CLVS1: variants seen among roughly 807,000 people sequenced by gnomAD.
CLVS1 encodes the protein clavesin 1.
CLVS1 carries 10 observed loss-of-function variants against 33.1 expected under a neutral mutation model. The observed-to-expected ratio is 0.30, with a 90% CI of 0.19 to 0.51. The LOEUF is 0.51. CLVS1 is among the 20% of genes least tolerant of loss of function. The pLI, the probability that CLVS1 is intolerant of heterozygous loss-of-function variation, is 0.97. For missense variants in CLVS1, 343 were observed against 433.4 expected (o/e 0.79, Z 1.85); for synonymous variants, 163 against 166.1 (o/e 0.98, Z 0.14).
intron 3 of CLVS1, among the ~76,000 whole-genome samples, chr8:61,452,496 G>A (rs928872092): frequency 6.6e-6 from 1 of 152,158 alleles, no homozygotes; most frequent in Non-Finnish European, 1.5e-5. Context: ...AAGAAGTGAT[G>A]ATAGTGAATA....
chr8:61,454,623 G>A (rs2279571), intron 4 of CLVS1, among the ~76,000 whole-genome samples: 89,566 of 152,106 alleles, frequency 0.59, 29,893 homozygotes, highest in Non-Finnish European at 0.76. Flanking sequence ...TTAGTGCTAT[G>A]AAGAATGATT....
intron 3 of CLVS1, among the ~76,000 whole-genome samples, chr8:61,379,872 G>A (rs190649587): frequency 1.3e-5 from 2 of 152,132 alleles, no homozygotes; most frequent in African/African-American, 2.4e-5. Context: ...TGCACACAGC[G>A]CTCAGTCACT....
chr8:61,365,841 G>T (rs1353271877), intron 2 of CLVS1, among the ~76,000 whole-genome samples: 1 of 151,940 alleles, frequency 6.6e-6, no homozygotes, highest in Non-Finnish European at 1.5e-5. Context: ...AGACAGGAAG[G>T]CTGAGACATC....
chr8:60,975,896 C>G, the CLVS1 span, among the ~76,000 whole-genome samples: 1 of 152,048 alleles, frequency 6.6e-6, no homozygotes, highest in African/African-American at 2.4e-5. Flanking sequence ...CAAGGAGGAC[C>G]ATAAGATGGA....
At chr8:61,468,676 T>C (rs1297742104) in intron 5 of CLVS1, among the ~76,000 whole-genome samples, 1 of 138,638 alleles carries the variant, frequency 7.2e-6, no homozygotes, top group African/African-American at 2.8e-5. Flanking sequence ...CATTTCAACC[T>C]GAGCTCAGTC....
At chr8:61,143,176 A>C (rs1242530181) in intron 2 of CLVS1, among the ~76,000 whole-genome samples, 4 of 152,220 alleles carry the variant, frequency 2.6e-5, no homozygotes, top group African/African-American at 9.6e-5. Flanking sequence ...CAGAAACCAT[A>C]ATCTTAATTT....
intron 5 of CLVS1, among the ~76,000 whole-genome samples, chr8:61,496,747 C>T (rs1202799931): frequency 6.6e-6 from 1 of 152,124 alleles, no homozygotes. Flanking sequence ...ACAGTACATA[C>T]ATATCTTGAA....
intron 3 of CLVS1, among the ~76,000 whole-genome samples, chr8:61,423,811 A>G (rs1204087269): frequency 6.6e-6 from 1 of 152,232 alleles, no homozygotes; most frequent in African/African-American, 2.4e-5. Context: ...TCTCTCAGGT[A>G]TGAATGGACT....
rs143419598 is a variant in CLVS1, at chr8:61,083,892, C to T, written c.-243+26662C>T. Among the ~76,000 whole-genome samples the T allele has an allele frequency of 7.6e-4, 115 of 151,920 alleles. 1 individual carries two copies. Among genetic ancestry groups the T allele is most frequent in the African/African-American group, 2.4e-3 (99 of 41,420 alleles). On this transcript the variant is annotated intron_variant, in intron 1 of 2. Transcript: ENST00000522621. The stretch of plus-strand genomic sequence containing the variant: ...TCCTGGTGGGATTGATTGGGTGGGG[C>T]GAAATAAAGATGTACATTTACTATA...
intron 2 of CLVS1, among the ~76,000 whole-genome samples, chr8:61,176,092 A>T (rs569442112): frequency 2.6e-4 from 40 of 152,298 alleles, no homozygotes; most frequent in African/African-American, 9.4e-4. Flanking sequence ...GTCTCTCTTT[A>T]TTCATTCCCT....
At chr8:61,339,552 AAT>A (rs1312587060) in intron 2 of CLVS1, among the ~76,000 whole-genome samples, 88 of 152,258 alleles carry the variant, frequency 5.8e-4, no homozygotes, top group Non-Finnish European at 7.4e-5. Flanking sequence ...TGACAGAACC[AAT>A]TACTCACCTG....
At chr8:61,390,550 T>A (rs767621329) in intron 3 of CLVS1, among the ~76,000 whole-genome samples, 2 of 152,210 alleles carry the variant, frequency 1.3e-5, no homozygotes, top group African/African-American at 2.4e-5. Context: ...AAACCAACAC[T>A]GGGTACCAAA....
chr8:61,358,032 A>G (rs1812815608), intron 2 of CLVS1, among the ~76,000 whole-genome samples: 1 of 152,218 alleles, frequency 6.6e-6, no homozygotes, highest in Non-Finnish European at 1.5e-5. Flanking sequence ...ATAAAGATGA[A>G]GGATTTGGAA....
At chr8:60,989,402 A>G in the CLVS1 span, among the ~76,000 whole-genome samples, 1 of 152,100 alleles carries the variant, frequency 6.6e-6, no homozygotes, top group Non-Finnish European at 1.5e-5. Flanking sequence ...CTGGTCTTGA[A>G]TTCCTGACAG....
chr8:61,254,668 A>G (rs1242257434), intron 2 of CLVS1, among the ~76,000 whole-genome samples: 1 of 152,022 alleles, frequency 6.6e-6, no homozygotes, highest in African/African-American at 2.4e-5. Flanking sequence ...TTGATCTCAG[A>G]CTGCTGTGCT....
intron 1 of CLVS1, among the ~76,000 whole-genome samples, chr8:61,061,362 G>A (rs1804580812): frequency 6.6e-6 from 1 of 152,090 alleles, no homozygotes; most frequent in Non-Finnish European, 1.5e-5. Context: ...TGCCTGATTA[G>A]TTCCTCTGCC....
intron 2 of CLVS1, among the ~76,000 whole-genome samples, chr8:61,263,619 G>A (rs1385027260): frequency 6.6e-6 from 1 of 152,056 alleles, no homozygotes; most frequent in Admixed American, 6.5e-5. Context: ...TTTTTTTGAT[G>A]AAGTGAATGG....
chr8:61,391,784 T>C (rs1426045248), intron 3 of CLVS1, among the ~76,000 whole-genome samples: 1 of 152,164 alleles, frequency 6.6e-6, no homozygotes, highest in African/African-American at 2.4e-5. Flanking sequence ...AAAAAGAGTA[T>C]AGGGCAGCAT....
chr8:61,026,829 G>A, the CLVS1 span, among the ~76,000 whole-genome samples: 1 of 152,066 alleles, frequency 6.6e-6, no homozygotes, highest in Non-Finnish European at 1.5e-5. Flanking sequence ...TAAACTCTGT[G>A]GACCTGCAAA....
Sources: gnomAD v4.1 joint callset for allele counts (sites outside exome capture counted in the v4.1 genomes callset) on GRCh38, gnomAD v4.1.1 for gene constraint, MANE v1.5 for transcripts, NCBI Gene and HGNC (gene_info 2026-07-23, HGNC 2026-07-21) for gene names.